The following DCLRE1A variants were observed in gnomAD, a reference collection of about 807,000 sequenced individuals.
The protein encoded by DCLRE1A is DNA cross-link repair 1A protein.
A neutral mutation model predicts 91.9 loss-of-function variants in DCLRE1A; 64 were observed. That is an observed-to-expected ratio of 0.70 (90% confidence interval 0.57 to 0.86). DCLRE1A has a LOEUF of 0.86. Ranked by LOEUF, DCLRE1A falls within the 40% of genes least tolerant of loss-of-function variation. DCLRE1A has a pLI of 0.00. For synonymous variants in DCLRE1A, 416 were observed against 431.1 expected, an observed-to-expected ratio of 0.96 and a Z score of 0.43; for missense variants, 1,145 against 1,213.3, an observed-to-expected ratio of 0.94 and a Z score of 0.84.
intron 7 of DCLRE1A, among the ~76,000 whole-genome samples, chr10:113,839,127 C>T (rs892102748): frequency 2.6e-5 from 4 of 151,958 alleles, no homozygotes; most frequent in Admixed American, 6.6e-5. Context: ...AGATTGAGAC[C>T]ATCCTGGCTA....
Position 113,849,633 on chromosome 10 carries a change from C to T in DCLRE1A, c.1472G>A (p.Ser491Asn). ...ATTATTCTTAGCATTCAAGTTCTCA[C>T]TTGATAATTTTCTAATTGTATTTTG... is the stretch of plus-strand genomic sequence containing the variant. Reference protein sequence around the residue: ...PTQNTIRKLSSENLNAKNNTN... With the variant: ...PTQNTIRKLSNENLNAKNNTN... Residue 491 changes from serine to asparagine, a missense_variant, in exon 2 of 9, where the codon AGT becomes AAT. By Grantham distance (46) the Ser-to-Asn change is conservative. Coordinates refer to ENST00000361384, the MANE Select transcript of DCLRE1A (RefSeq NM_014881.5). 1 of 1,614,156 alleles carries T rather than the reference C, an allele frequency of 6.2e-7. No individual in the cohort carries two copies. Among genetic ancestry groups the T allele is most frequent in the South Asian group, 1.1e-5 (1 of 91,082 alleles).
Position 113,834,981 on chromosome 10 carries a change from G to C in DCLRE1A, c.*171C>G, listed in dbSNP as rs1030544596. ...TTTCAGTTATCCTTGATGATGCTGAGAGGCATTCAGCACCACGAACATGTT... is the reference window on the plus strand; with the variant it reads ...TTTCAGTTATCCTTGATGATGCTGACAGGCATTCAGCACCACGAACATGTT... On this transcript the variant is annotated 3_prime_UTR_variant, in exon 9 of 9. Transcript: ENST00000361384. 3.3e-4 allele frequency: 215 copies of C among 652,656 alleles called. 1 individual carries two copies. The highest frequency in any genetic ancestry group is 4.8e-4 in the Non-Finnish European group (194 of 402,586). 40.4% of individuals were successfully genotyped at this position (652,656 alleles called of 1,614,324 possible). A position where few individuals can be genotyped will look rare whatever the true frequency, so the allele number is the denominator to read the frequency against.
intron 4 of DCLRE1A, 69 bp from the exon 5 acceptor site, chr10:113,844,313 T>C (rs1845496304): frequency 6.3e-7 from 1 of 1,580,250 alleles, no homozygotes; most frequent in Admixed American, 1.8e-5. Flanking sequence ...TCTATTTCAA[T>C]ATCAACAAGT....
chr10:113,851,263 G>GT (rs1845645554), intron 1 of DCLRE1A, among the ~76,000 whole-genome samples: 1 of 152,114 alleles, frequency 6.6e-6, no homozygotes, highest in South Asian at 2.1e-4. Flanking sequence ...AATTTGTGAG[G>GT]TTTTCACTTG....
chr10:113,842,557 T>A (rs1279742557), intron 5 of DCLRE1A, 69 bp from the exon 6 acceptor site: 3 of 1,476,894 alleles, frequency 2.0e-6, no homozygotes, highest in Non-Finnish European at 2.7e-6. Context: ...CTGGATGCTA[T>A]TTTAGAAAAC....
chr10:113,843,689 A>G (rs532592735), intron 5 of DCLRE1A, among the ~76,000 whole-genome samples: 1 of 152,370 alleles, frequency 6.6e-6, no homozygotes, highest in Admixed American at 6.5e-5. Context: ...TGTCACTTAT[A>G]AATTATCTTT....
At chr10:113,851,808 C>T (rs1167765139) in intron 1 of DCLRE1A, among the ~76,000 whole-genome samples, 1 of 151,946 alleles carries the variant, frequency 6.6e-6, no homozygotes, top group Non-Finnish European at 1.5e-5. Context: ...GCCCTACAGC[C>T]TCGACCTCTT....
intron 2 of DCLRE1A, among the ~76,000 whole-genome samples, chr10:113,848,775 T>C (rs1170017489): frequency 6.6e-6 from 1 of 152,088 alleles, no homozygotes; most frequent in Non-Finnish European, 1.5e-5. Context: ...GCATGTTTAA[T>C]AGAAACTTGA....
At chr10:113,840,833 A>T (rs938496280) in intron 7 of DCLRE1A, among the ~76,000 whole-genome samples, 3 of 152,234 alleles carry the variant, frequency 2.0e-5, no homozygotes, top group Admixed American at 6.5e-5. Context: ...TATATGGAAT[A>T]AACGTTAGTT....
intron 8 of DCLRE1A, 96 bp from the exon 9 acceptor site, chr10:113,835,408 C>T (rs1845346523): frequency 7.6e-7 from 1 of 1,317,728 alleles, no homozygotes; most frequent in Non-Finnish European, 1.0e-6. Flanking sequence ...AAGAGAAAAG[C>T]AATCCACAGT....
At position 113,844,195 on chromosome 10, in the gene DCLRE1A, T is replaced by G. The variant is rs368097702; in HGVS notation, c.2428A>C (p.Ile810Leu). 2 of 1,614,010 alleles carry G rather than the reference T, an allele frequency of 1.2e-6. No individual in the cohort carries two copies. Among genetic ancestry groups the G allele is most frequent in the African/African-American group, 2.7e-5 (2 of 74,914 alleles). ...ILFYLPNGTV[I>L]LHTGDFRADP... ...GCTCTGAAGTCTCCCGTGTGTAATATGACAGTACCATTAGGAAGATAAAAG... is the reference window on the plus strand; with the variant it reads ...GCTCTGAAGTCTCCCGTGTGTAATAGGACAGTACCATTAGGAAGATAAAAG... The change falls in exon 5 of 9, where the codon ATA becomes CTA. Residue 810 changes from isoleucine (I) to leucine (L), a missense_variant. Transcript: ENST00000361384.
At chr10:113,841,308 ACT>A in intron 7 of DCLRE1A, 96 bp downstream of exon 7, 1 of 1,369,566 alleles carries the variant, frequency 7.3e-7, no homozygotes, top group Non-Finnish European at 9.9e-7. Flanking sequence ...ACTATGGGTG[ACT>A]CTATTATAAT....
rs773114078 is a variant in DCLRE1A at position 113,842,415 on chromosome 10, C to T, written c.2593G>A (p.Ala865Thr). The change falls in exon 6 of 9, where the codon GCT (alanine) becomes ACT (threonine). Residue 865 changes from alanine to threonine, a missense_variant. By Grantham distance (58) the Ala-to-Thr change is moderately conservative (BLOSUM62 0). Coordinates refer to ENST00000361384, the MANE Select transcript of DCLRE1A (RefSeq NM_014881.5). ...IRFAINTAFEAVTLNPHALVV... is the reference protein window; with the variant it reads ...IRFAINTAFETVTLNPHALVV... Reference sequence around the variant, plus strand: ...AGAGCATGTGGGTTTAGAGTTACAGCCTCAAAGGCAGTGTTGATGGCAAAC... The same window carrying T: ...AGAGCATGTGGGTTTAGAGTTACAGTCTCAAAGGCAGTGTTGATGGCAAAC... The T allele has an allele frequency of 6.2e-6, 10 of 1,613,774 alleles. No individual in the cohort carries two copies. The highest frequency in any genetic ancestry group is 8.5e-6 in the Non-Finnish European group (10 of 1,179,858).
chr10:113,848,338 G>T (rs1319726252), intron 2 of DCLRE1A, among the ~76,000 whole-genome samples: 2 of 151,874 alleles, frequency 1.3e-5, no homozygotes, highest in African/African-American at 4.8e-5. Context: ...ATGAAGTACA[G>T]AAAATTAATC....
chr10:113,838,221 C>G lies in DCLRE1A; in HGVS notation c.2821-1018G>C, dbSNP rs17235248. Among the ~76,000 whole-genome samples the G allele has an allele frequency of 8.9e-3, 1,351 of 152,268 alleles. 21 individuals are homozygous for G. The highest frequency in any genetic ancestry group is 0.03 in the African/African-American group (1,241 of 41,564). ...AATTTGCAAGTTTTTGCCTTGCTTA[C>G]TCTAGGACCTAGTTAATGTAATATT... On this transcript the variant is annotated intron_variant, in intron 7 of 8. Transcript: ENST00000361384.
In DCLRE1A at chr10:113,835,001, C is replaced by T; in HGVS notation, c.*151G>A. 1 of 817,516 alleles carries T rather than the reference C, an allele frequency of 1.2e-6. No individual in the cohort carries two copies. Among genetic ancestry groups the T allele is most frequent in the East Asian group, 2.7e-5 (1 of 37,160 alleles). 50.6% of individuals were successfully genotyped at this position (817,516 alleles called of 1,614,324 possible). On this transcript the variant is annotated 3_prime_UTR_variant, in exon 9 of 9. Transcript: ENST00000361384. ...GCTGAGAGGCATTCAGCACCACGAA[C>T]ATGTTGTTCAAACATAAATGAGAAA...
At chr10:113,843,017 C>T (rs1175924890) in intron 5 of DCLRE1A, among the ~76,000 whole-genome samples, 3 of 120,632 alleles carry the variant, frequency 2.5e-5, no homozygotes, top group African/African-American at 9.7e-5. Context: ...TATATATGTA[C>T]ATGTGTACAC....
At chr10:113,841,314 T>C (rs1845441620) in intron 7 of DCLRE1A, 92 bp downstream of exon 7, 22 of 1,446,014 alleles carry the variant, frequency 1.5e-5, no homozygotes, top group Non-Finnish European at 2.1e-5. Flanking sequence ...GGTGACTCTA[T>C]TATAATTGAA....
chr10:113,841,832 G>A (rs765105533), intron 6 of DCLRE1A, among the ~76,000 whole-genome samples: 18 of 152,080 alleles, frequency 1.2e-4, no homozygotes, highest in Non-Finnish European at 2.2e-4. Flanking sequence ...GGAAGGGAAG[G>A]AACTAAATTT....
Sources: allele counts gnomAD v4.1 joint callset (sites outside exome capture counted in the v4.1 genomes callset), GRCh38; gene constraint gnomAD v4.1.1; transcripts MANE v1.5; gene names NCBI Gene and HGNC (gene_info 2026-07-23, HGNC 2026-07-21).